Variants in REEP3 observed in about 807,000 individuals in gnomAD.
The protein encoded by REEP3 is receptor accessory protein 3.
REEP3 carries 20 observed loss-of-function variants against 41.3 expected under a neutral mutation model. The ratio of observed to expected loss-of-function variants is 0.48; its 90% CI spans 0.34 to 0.70. The LOEUF (loss-of-function observed/expected upper bound fraction) is 0.70. REEP3 is among the 30% of genes least tolerant of loss of function. REEP3 has a pLI of 0.01. For missense variants in REEP3, 271 were observed against 308.8 expected, an observed-to-expected ratio of 0.88 and a Z score of 0.92; for synonymous variants, 104 against 101.8, an observed-to-expected ratio of 1.02 and a Z score of -0.13.
intron 2 of REEP3, among the ~76,000 whole-genome samples, chr10:63,571,378 G>T (rs141997568): frequency 2.0e-5 from 3 of 152,254 alleles, no homozygotes; most frequent in African/African-American, 4.8e-5. Context: ...CTTCTGGAGG[G>T]TTTAGGGGAA....
intron 1 of REEP3, among the ~76,000 whole-genome samples, chr10:63,560,554 G>A (rs988661987): frequency 5.9e-5 from 9 of 152,122 alleles, no homozygotes; most frequent in Non-Finnish European, 1.3e-4. Context: ...CATAGCCAGC[G>A]TTCGTACATT....
chr10:63,533,861 C>A (rs551729336), intron 1 of REEP3, among the ~76,000 whole-genome samples: 1 of 151,808 alleles, frequency 6.6e-6, no homozygotes, highest in Non-Finnish European at 1.5e-5. Flanking sequence ...GCGCCCACCA[C>A]CATGCCAGCT....
intron 1 of REEP3, among the ~76,000 whole-genome samples, chr10:63,552,960 T>C (rs534493070): frequency 6.6e-6 from 1 of 152,370 alleles, no homozygotes; most frequent in East Asian, 1.9e-4. Flanking sequence ...AAGAAAGTAC[T>C]TAGACATTGT....
chr10:63,546,221 A>G (rs1955577396), intron 1 of REEP3, among the ~76,000 whole-genome samples: 1 of 152,204 alleles, frequency 6.6e-6, no homozygotes, highest in South Asian at 2.1e-4. Flanking sequence ...TCTACTACAG[A>G]GAACAGCCTG....
chr10:63,527,330 T>C (rs1326092095), intron 1 of REEP3, among the ~76,000 whole-genome samples: 2 of 152,056 alleles, frequency 1.3e-5, no homozygotes, highest in Non-Finnish European at 2.9e-5. Flanking sequence ...ATACTTTTCA[T>C]CTTATCACCC....
intron 6 of REEP3, among the ~76,000 whole-genome samples, chr10:63,618,655 G>A (rs1956330757): frequency 6.6e-6 from 1 of 152,200 alleles, no homozygotes; most frequent in Non-Finnish European, 1.5e-5. Flanking sequence ...TCAGGCAGTG[G>A]TTCTCAAAGT....
rs184551045 is a variant in REEP3 at position 63,619,764 on chromosome 10, C to T, written c.675C>T (p.Ser225=). The change falls in exon 7 of 8, where the codon AGC becomes AGT. Residue 225 remains serine, a synonymous_variant. Transcript: ENST00000373758. The part of the protein sequence containing the change: ...LTHKGLRRSQ[S]MKSVKTTKGR... The stretch of plus-strand genomic sequence containing the variant: ...ACAAAGGGCTTCGAAGATCGCAAAG[C>T]ATGAAATCTGTGAAAACCACCAAAG... 25 of 1,610,066 alleles carry T rather than the reference C, an allele frequency of 1.6e-5. No individual in the cohort carries two copies. The East Asian group carries it at 5.6e-4, about 36-fold the overall frequency.
intron 2 of REEP3, among the ~76,000 whole-genome samples, chr10:63,570,041 G>A (rs1955838864): frequency 6.6e-6 from 1 of 151,910 alleles, no homozygotes; most frequent in African/African-American, 2.4e-5. Flanking sequence ...AATTTTTAGA[G>A]ACTTAAAAAC....
At chr10:63,527,470 C>T (rs1399389193) in intron 1 of REEP3, among the ~76,000 whole-genome samples, 1 of 151,978 alleles carries the variant, frequency 6.6e-6, no homozygotes, top group African/African-American at 2.4e-5. Flanking sequence ...TCAGGAGTTC[C>T]AGACCAATCC....
At chr10:63,521,832 G>C (rs1435863580) in intron 1 of REEP3, 2 of 110,842 alleles carry the variant, frequency 1.8e-5, no homozygotes, top group Admixed American at 2.4e-4. Flanking sequence ...GGCGCTGCTC[G>C]GCTGCGTGCG....
intron 5 of REEP3, among the ~76,000 whole-genome samples, chr10:63,605,558 G>A (rs1956217116): frequency 6.6e-6 from 1 of 152,104 alleles, no homozygotes. Flanking sequence ...TTTAAAATGT[G>A]AAGAAAATAA....
At chr10:63,601,835 C>T (rs898286927) in intron 5 of REEP3, among the ~76,000 whole-genome samples, 3 of 152,034 alleles carry the variant, frequency 2.0e-5, no homozygotes, top group South Asian at 2.1e-4. Context: ...ACAGGAGAAT[C>T]GCTTGAACCT....
At chr10:63,572,383 T>A (rs947346774) in intron 2 of REEP3, among the ~76,000 whole-genome samples, 3 of 152,158 alleles carry the variant, frequency 2.0e-5, no homozygotes, top group African/African-American at 7.2e-5. Context: ...TATACATGTG[T>A]GACATGGTGG....
chr10:63,620,910 TAC>T lies in REEP3; in HGVS notation c.*43_*44del, dbSNP rs1375659871. 6 of 1,240,436 alleles carry T rather than the reference TAC, an allele frequency of 4.8e-6. No homozygotes were observed. Among genetic ancestry groups the T allele is most frequent in the Middle Eastern group, 1.9e-4 (1 of 5,352 alleles). The allele number at this position is 1,240,436 out of a possible 1,614,324, so 76.8% of individuals were successfully genotyped here. A position where few individuals can be genotyped will look rare whatever the true frequency, so the allele number is the denominator to read the frequency against. On this transcript the variant is annotated 3_prime_UTR_variant, in exon 8 of 8. Coordinates refer to ENST00000373758, the MANE Select transcript of REEP3 (RefSeq NM_001001330.3). The stretch of plus-strand genomic sequence containing the variant: ...ATATCCCAAGACAGATTATGCTAAA[TAC>T]ATCGACTTCATCTTCTAACATGATA...
chr10:63,594,503 T>G (rs1956095416), intron 2 of REEP3, among the ~76,000 whole-genome samples: 1 of 152,238 alleles, frequency 6.6e-6, no homozygotes, highest in Non-Finnish European at 1.5e-5. Context: ...TTGATTTAGA[T>G]TCCTAGATTA....
chr10:63,538,507 G>A (rs1371580095), intron 1 of REEP3, among the ~76,000 whole-genome samples: 1 of 152,208 alleles, frequency 6.6e-6, no homozygotes, highest in African/African-American at 2.4e-5. Flanking sequence ...GCCAAGGCGG[G>A]CGGATCACCT....
chr10:63,546,464 A>G lies in REEP3; in HGVS notation c.33-19874A>G, dbSNP rs117565277. On this transcript the variant is annotated intron_variant, in intron 1 of 7. Coordinates refer to ENST00000373758, the MANE Select transcript of REEP3 (RefSeq NM_001001330.3). ...GGGAGTAAGTATACCTAGAGAAGAG[A>G]AGAAAATGGACAAGTTATTTATAAA... Among the ~76,000 whole-genome samples, 323 of 152,334 alleles carry G rather than the reference A, an allele frequency of 2.1e-3. 1 individual carries two copies. The East Asian group carries it at 0.032, about 15-fold the overall frequency.
At chr10:63,533,461 T>G (rs1302962518) in intron 1 of REEP3, among the ~76,000 whole-genome samples, 1 of 152,214 alleles carries the variant, frequency 6.6e-6, no homozygotes, top group Non-Finnish European at 1.5e-5. Context: ...CTGAACACAC[T>G]TCCAAGTTGT....
intron 6 of REEP3, among the ~76,000 whole-genome samples, chr10:63,618,918 G>A (rs1473062371): frequency 1.3e-5 from 2 of 152,222 alleles, no homozygotes; most frequent in African/African-American, 4.8e-5. Flanking sequence ...ATATTGGCCC[G>A]TAGTAAGTCT....
Sources: allele counts gnomAD v4.1 joint callset (sites outside exome capture counted in the v4.1 genomes callset), GRCh38; gene constraint gnomAD v4.1.1; transcripts MANE v1.5; gene names NCBI Gene and HGNC (gene_info 2026-07-23, HGNC 2026-07-21).